SHOX: variants seen among roughly 807,000 people sequenced by gnomAD.
SHOX encodes the protein short stature homeobox protein.
SHOX carries 12 observed loss-of-function variants against 29.6 expected under a neutral mutation model. The observed-to-expected ratio is 0.41, with a 90% confidence interval of 0.26 to 0.66. The LOEUF (loss-of-function observed/expected upper bound fraction) is 0.66. SHOX is among the 30% of genes least tolerant of loss of function. The pLI is 0.35. For synonymous variants in SHOX, 214 were observed against 200.6 expected, an observed-to-expected ratio of 1.07 and a Z score of -0.57; for missense variants, 499 against 437.7, an observed-to-expected ratio of 1.14 and a Z score of -1.25.
At chrX:625,063 C>T (rs1440297439) in intron 1 of SHOX, among the ~76,000 whole-genome samples, 1 of 141,496 alleles carries the variant, frequency 7.1e-6, no homozygotes, top group Admixed American at 7.2e-5. Flanking sequence ...TCCTTCCTCC[C>T]TCCCTCCCTC....
chrX:642,562 G>A (rs541694574), intron 4 of SHOX, among the ~76,000 whole-genome samples: 1 of 152,230 alleles, frequency 6.6e-6, no homozygotes, highest in Non-Finnish European at 1.5e-5. Flanking sequence ...TCCCTCCGCG[G>A]TTCTCCTCTC....
intron 1 of SHOX, among the ~76,000 whole-genome samples, chrX:631,464 G>T (rs1400981965): frequency 1.3e-5 from 2 of 152,152 alleles, no homozygotes; most frequent in Non-Finnish European, 2.9e-5. Context: ...GTGGATCCGG[G>T]TGGCTGTGCC....
intron 2 of SHOX, among the ~76,000 whole-genome samples, chrX:640,275 G>T (rs2052828616): frequency 6.6e-6 from 1 of 152,084 alleles, no homozygotes; most frequent in South Asian, 2.1e-4. Flanking sequence ...AATCTGGGAG[G>T]TGGAGGTTGC....
intron 4 of SHOX, among the ~76,000 whole-genome samples, chrX:643,649 GCTGGGGGACCTGGTGTCTCGGGAGAGAGC>G (rs2052907091): frequency 8.5e-6 from 1 of 117,040 alleles, no homozygotes; most frequent in African/African-American, 3.6e-5. Flanking sequence ...CTGGGGAGAG[GCTGGGGGACCTGGTGTCTCGGGAGAGAGC>G]CTTGGGGACC....
chrX:640,373 C>T (rs2052830480), intron 2 of SHOX, among the ~76,000 whole-genome samples: 1 of 149,982 alleles, frequency 6.7e-6, no homozygotes, highest in Admixed American at 6.6e-5. Context: ...AAACAAAAAA[C>T]AAGAGACCAG....
intron 2 of SHOX, among the ~76,000 whole-genome samples, chrX:639,624 T>C (rs1411536809): frequency 2.6e-5 from 4 of 152,250 alleles, no homozygotes; most frequent in Non-Finnish European, 4.4e-5. Context: ...CCACTTCCAC[T>C]GGCTCGGAAC....
intron 2 of SHOX, among the ~76,000 whole-genome samples, chrX:637,620 GC>G (rs1359119530): frequency 2.0e-5 from 3 of 152,152 alleles, no homozygotes; most frequent in Non-Finnish European, 4.4e-5. Context: ...CTCCATCGCC[GC>G]GGGGGGAAAG....
chrX:651,255 G>A lies in SHOX; in HGVS notation c.*6619G>A, dbSNP rs760920486. On this transcript the variant is annotated 3_prime_UTR_variant, in exon 5 of 5. Coordinates refer to ENST00000686671, the MANE Select transcript of SHOX (RefSeq NM_000451.4). ...CCCCATTGACGACATAGCGGCCCCC[G>A]CGTCCGGGTTACAAATACATCTACA... 7.0e-4 allele frequency: 319 copies of A among 452,900 alleles called. 1 individual carries two copies. The highest frequency in any genetic ancestry group is 5.6e-3 in the African/African-American group (281 of 49,944). 28.1% of individuals were successfully genotyped at this position (452,900 alleles called of 1,614,324 possible). A position where few individuals can be genotyped will look rare whatever the true frequency, so the allele number is the denominator to read the frequency against.
At chrX:658,851 G>A (rs184167749) in exon 6 of SHOX, 3,922 of 354,392 alleles carry the variant, frequency 0.011, 152 homozygotes, top group African/African-American at 0.081. Flanking sequence ...TGCAACCTCC[G>A]CCTCCCGAGT....
In SHOX at chrX:651,277, T is replaced by C. The variant is rs2053057788; in HGVS notation, c.*6641T>C. 1 of 455,812 alleles carries C rather than the reference T, an allele frequency of 2.2e-6. No homozygotes were observed. Among genetic ancestry groups the C allele is most frequent in the African/African-American group, 2.0e-5 (1 of 50,116 alleles). The allele number at this position is 455,812 out of a possible 1,614,324, so 28.2% of individuals were successfully genotyped here. The stretch of plus-strand genomic sequence containing the variant: ...CCCGCGTCCGGGTTACAAATACATC[T>C]ACAGATATTTTCAGGGATTGCTTCA... On this transcript the variant is annotated 3_prime_UTR_variant, in exon 5 of 5. Coordinates refer to ENST00000686671, the MANE Select transcript of SHOX (RefSeq NM_000451.4).
downstream of SHOX, among the ~76,000 whole-genome samples, chrX:655,576 C>G (rs1208905695): frequency 2.6e-3 from 171 of 65,602 alleles, 1 homozygote; most frequent in African/African-American, 9.9e-3. Context: ...CTGTCTCTCT[C>G]TCTCTCTCTC....
intron 2 of SHOX, among the ~76,000 whole-genome samples, chrX:637,121 G>C (rs1198035665): frequency 6.6e-6 from 1 of 151,828 alleles, no homozygotes. Flanking sequence ...GAGAGGCTTT[G>C]GTGACTTGGA....
Position 631,093 on chromosome X carries a change from T to C in SHOX, c.196T>C (p.Cys66Arg). Residue 66 changes from cysteine (C) to arginine (R), a missense_variant, in exon 1 of 5, where the codon TGC (cysteine) becomes CGC (arginine). Physicochemically the swap from Cys to Arg is radical, Grantham distance 180. Transcript: ENST00000686671. The stretch of plus-strand genomic sequence containing the variant: ...GGACATCACGGAGGGCGGCGGCCAC[T>C]GCCCGGTGCATTTGTTCAAGGACCA... ...LQDITEGGGH[C>R]PVHLFKDHVD... 1.9e-6 allele frequency: 3 copies of C among 1,613,734 alleles called. No individual in the cohort carries two copies. The highest frequency in any genetic ancestry group is 2.5e-6 in the Non-Finnish European group (3 of 1,179,836).
chrX:655,059 G>C (rs1357405073), downstream of SHOX, among the ~76,000 whole-genome samples: 1 of 151,862 alleles, frequency 6.6e-6, no homozygotes, highest in Admixed American at 6.6e-5. Flanking sequence ...CTCCAGCCTG[G>C]CTGACAGAGT....
chrX:654,983 T>C (rs1357045978), downstream of SHOX, among the ~76,000 whole-genome samples: 6 of 150,008 alleles, frequency 4.0e-5, no homozygotes, highest in South Asian at 8.5e-4. Flanking sequence ...CCACCGCGCC[T>C]GGCCCAGGAG....
upstream of SHOX, among the ~76,000 whole-genome samples, chrX:629,721 G>T (rs2052614300): frequency 6.6e-6 from 1 of 152,128 alleles, no homozygotes; most frequent in South Asian, 2.1e-4. Flanking sequence ...GCGCCGTGGG[G>T]TTACGGGAGG....
At chrX:640,422 C>G (rs1364525044) in intron 2 of SHOX, among the ~76,000 whole-genome samples, 1 of 150,572 alleles carries the variant, frequency 6.6e-6, no homozygotes, top group African/African-American at 2.4e-5. Context: ...TACTAAAATA[C>G]AAAATTAGCC....
At chrX:654,594 A>G (rs1009748495), downstream of SHOX, among the ~76,000 whole-genome samples, 5 of 144,112 alleles carry the variant, frequency 3.5e-5, no homozygotes, top group African/African-American at 1.4e-4. Flanking sequence ...TAAACATTTT[A>G]TAACAATTAA....
Position 650,269 on chromosome X carries a change from C to A in SHOX, c.*5633C>A, listed in dbSNP as rs1462157736. 2.0e-5 allele frequency among the ~76,000 whole-genome samples: 3 copies of A among 152,158 alleles called. No individual in the cohort carries two copies. Among genetic ancestry groups the A allele is most frequent in the Non-Finnish European group, 4.4e-5 (3 of 68,026 alleles). ...GGTGGTGCGACGGGCTTGGTGTCTC[C>A]CGTACGGGAAGGAGGCCTTTGGGCC... On this transcript the variant is annotated 3_prime_UTR_variant, in exon 5 of 5. Transcript: ENST00000686671.
Sources: allele counts gnomAD v4.1 joint callset (sites outside exome capture counted in the v4.1 genomes callset), GRCh38; gene constraint gnomAD v4.1.1; transcripts MANE v1.5; gene names NCBI Gene and HGNC (gene_info 2026-07-23, HGNC 2026-07-21).